Variants in NCOR1 observed in about 807,000 individuals in gnomAD.
The protein encoded by NCOR1 is nuclear receptor corepressor 1, also known as protein phosphatase 1, regulatory subunit 109.
In NCOR1, 63 loss-of-function variants were observed where a neutral mutation model predicts 288.1. The observed-to-expected ratio is 0.22, with a 90% CI of 0.18 to 0.27. NCOR1 has a LOEUF of 0.27. NCOR1 is among the 10% of genes least tolerant of loss of function. The probability of loss-of-function intolerance (pLI) is 1.00; values close to 1 mark genes in which losing one functional copy is unlikely to be tolerated. For synonymous variants in NCOR1, 1,007 were observed against 1,065.9 expected (o/e 0.94, Z 1.08); for missense variants, 2,397 against 3,019.2 (o/e 0.79, Z 4.83).
At chr17:16,149,709 A>C (rs970771606) in intron 8 of NCOR1, among the ~76,000 whole-genome samples, 192 bp from the exon 9 acceptor site, 1 of 152,176 alleles carries the variant, frequency 6.6e-6, no homozygotes, top group Non-Finnish European at 1.5e-5. Flanking sequence ...GAACTGACTA[A>C]AGTTCCTCCC....
intron 18 of NCOR1, among the ~76,000 whole-genome samples, chr17:16,110,731 C>T (rs376274618): frequency 2.6e-5 from 4 of 152,112 alleles, no homozygotes; most frequent in African/African-American, 9.7e-5. Flanking sequence ...AAAAATTACC[C>T]GTACATCTAC....
At chr17:16,064,003 T>G in intron 35 of NCOR1, 65 bp downstream of exon 35, 1 of 1,562,998 alleles carries the variant, frequency 6.4e-7, no homozygotes, top group Non-Finnish European at 8.7e-7. Context: ...TGCGCAGCAT[T>G]AAGCACAGTG....
rs1467913673 is a variant in NCOR1, at chr17:16,061,677, T to C, written c.5605A>G (p.Lys1869Glu). The C allele has an allele frequency of 1.2e-6, 2 of 1,614,142 alleles. No individual in the cohort carries two copies. Among genetic ancestry groups the C allele is most frequent in the Non-Finnish European group, 1.7e-6 (2 of 1,180,052 alleles). The part of the protein sequence containing the change: ...AVSEQQQLEQ[K>E]TLEVEKRSVQ... ...GATCTCTTCTCCACCTCCAGGGTTT[T>C]CTGCTCTAGCTGCTGCTGTTCACTA... Residue 1869 changes from lysine to glutamate, a missense_variant, in exon 37 of 46, where the codon AAA becomes GAA. Lys to Glu is a moderately conservative substitution (Grantham distance 56, BLOSUM62 1). Transcript: ENST00000268712.
chr17:16,098,874 A>C (rs2067116347), intron 20 of NCOR1: 1 of 154,010 alleles, frequency 6.5e-6, no homozygotes, highest in South Asian at 2.0e-4. Context: ...TCTATATCTA[A>C]CCAACAAAAC....
chr17:16,087,499 A>C (rs913377606), intron 22 of NCOR1, among the ~76,000 whole-genome samples: 1 of 152,248 alleles, frequency 6.6e-6, no homozygotes, highest in Non-Finnish European at 1.5e-5. Context: ...AGAAGTTAAG[A>C]AATCCTGTAA....
At chr17:16,124,630 C>T (rs1410287338) in intron 15 of NCOR1, among the ~76,000 whole-genome samples, 1 of 152,222 alleles carries the variant, frequency 6.6e-6, no homozygotes, top group East Asian at 1.9e-4. Context: ...TGTATGTCCA[C>T]AAAAGCATCA....
chr17:16,121,787 A>G (rs1206682421), intron 15 of NCOR1, among the ~76,000 whole-genome samples: 2 of 152,234 alleles, frequency 1.3e-5, no homozygotes, highest in African/African-American at 4.8e-5. Flanking sequence ...TCAATACTCT[A>G]AATCATGTCT....
intron 17 of NCOR1, 75 bp downstream of exon 17, chr17:16,119,348 G>T: frequency 9.3e-7 from 1 of 1,070,906 alleles, no homozygotes; most frequent in Non-Finnish European, 1.4e-6. Context: ...AAAACAATTA[G>T]TTCCATCTCA....
chr17:16,178,775 A>C (rs2084776105), intron 3 of NCOR1, among the ~76,000 whole-genome samples: 1 of 152,082 alleles, frequency 6.6e-6, no homozygotes, highest in African/African-American at 2.4e-5. Flanking sequence ...AAGTAAGCTG[A>C]ATTCTCTCTC....
intron 13 of NCOR1, 33 bp downstream of exon 13, chr17:16,138,125 C>G (rs892608955): frequency 6.3e-6 from 10 of 1,578,136 alleles, no homozygotes; most frequent in Non-Finnish European, 7.8e-6. Flanking sequence ...CATCACAAAC[C>G]TACAAACACT....
At chr17:16,064,222 A>G (rs2060864703) in intron 34 of NCOR1, 35 bp from the exon 35 acceptor site, 1 of 1,594,438 alleles carries the variant, frequency 6.3e-7, no homozygotes, top group Non-Finnish European at 8.6e-7. Flanking sequence ...AAAGATAAAA[A>G]TATCAACTGA....
At chr17:16,066,237 TACTCA>T (rs1303330684) in intron 32 of NCOR1, among the ~76,000 whole-genome samples, 2 of 152,214 alleles carry the variant, frequency 1.3e-5, no homozygotes, top group Non-Finnish European at 2.9e-5. Context: ...TTGTCACAGC[TACTCA>T]ACTCTGTCAC....
At chr17:16,189,204 G>T (rs986273085) in intron 2 of NCOR1, among the ~76,000 whole-genome samples, 2 of 152,088 alleles carry the variant, frequency 1.3e-5, no homozygotes, top group Admixed American at 1.3e-4. Flanking sequence ...CACAAACCTG[G>T]CCAACTTGGC....
chr17:16,214,935 T>C (rs1482032278), intron 1 of NCOR1, among the ~76,000 whole-genome samples: 2 of 152,204 alleles, frequency 1.3e-5, no homozygotes, highest in African/African-American at 4.8e-5. Context: ...GCTGTCAACC[T>C]CCGCAGCCCC....
intron 44 of NCOR1, among the ~76,000 whole-genome samples, chr17:16,037,396 C>T (rs1262312417): frequency 6.6e-6 from 1 of 151,872 alleles, no homozygotes; most frequent in African/African-American, 2.4e-5. Context: ...CACAGGGTTG[C>T]CATAAACCTT....
At chr17:16,104,276 GA>G (rs923888756) in intron 19 of NCOR1, among the ~76,000 whole-genome samples, 44 of 150,924 alleles carry the variant, frequency 2.9e-4, no homozygotes, top group Middle Eastern at 3.4e-3. Flanking sequence ...AACCGTCTGG[GA>G]AAAAAAAATA....
In NCOR1 at chr17:16,163,021, A is replaced by C. The variant is rs765806072; in HGVS notation, c.618+1958T>G. Among the ~76,000 whole-genome samples, 86 of 152,146 alleles carry C rather than the reference A, an allele frequency of 5.7e-4. 1 individual carries two copies. Among genetic ancestry groups the C allele is most frequent in the Non-Finnish European group, 5.1e-4 (35 of 67,982 alleles). On this transcript the variant is annotated intron_variant, in intron 5 of 45. Coordinates refer to ENST00000268712, the MANE Select transcript of NCOR1 (RefSeq NM_006311.4). ...CCTAAACAAATTCTGTTCACCAAAA[A>C]AAATACTATCAGGATCAAAGACTCA...
chr17:16,161,269 AC>A (rs1444617679), intron 5 of NCOR1, among the ~76,000 whole-genome samples: 11 of 143,246 alleles, frequency 7.7e-5, no homozygotes, highest in African/African-American at 2.7e-4. Context: ...ACACACACAC[AC>A]ACTCCCTCAC....
At chr17:16,145,087 G>C (rs765382237) in intron 10 of NCOR1, among the ~76,000 whole-genome samples, 7 of 152,190 alleles carry the variant, frequency 4.6e-5, no homozygotes, top group Non-Finnish European at 1.0e-4. Flanking sequence ...TTTTGGTGGA[G>C]ACGGGGTTTC....
Sources: gnomAD v4.1 joint callset for allele counts (sites outside exome capture counted in the v4.1 genomes callset) on GRCh38, gnomAD v4.1.1 for gene constraint, MANE v1.5 for transcripts, NCBI Gene and HGNC (gene_info 2026-07-23, HGNC 2026-07-21) for gene names.